DLG2: variants seen among roughly 807,000 people sequenced by gnomAD.
DLG2 encodes discs large MAGUK scaffold protein 2, also known as disks large homolog 2.
Under a neutral mutation model 132.5 loss-of-function variants are expected in DLG2, and 45 were observed. The ratio of observed to expected loss-of-function variants is 0.34; its 90% confidence interval spans 0.27 to 0.44. The LOEUF is 0.44. Ranked by LOEUF, DLG2 falls within the 20% of genes least tolerant of loss-of-function variation. DLG2 has a pLI of 1.00. For synonymous variants in DLG2, 424 were observed against 419.6 expected (o/e 1.01, Z -0.13); for missense variants, 1,045 against 1,196.9 (o/e 0.87, Z 1.87).
chr11:84,000,552 C>T (rs190388337), intron 11 of DLG2, among the ~76,000 whole-genome samples: 1 of 152,202 alleles, frequency 6.6e-6, no homozygotes, highest in Admixed American at 6.5e-5. Flanking sequence ...CACAAAATAT[C>T]TTCTCCATGG....
chr11:85,110,436 C>G (rs1208663371), intron 6 of DLG2, among the ~76,000 whole-genome samples: 2 of 151,706 alleles, frequency 1.3e-5, no homozygotes, highest in African/African-American at 4.8e-5. Context: ...AAACCAAAAC[C>G]AAAAACAGAA....
At chr11:85,213,598 G>T (rs1350097735) in intron 4 of DLG2, among the ~76,000 whole-genome samples, 2 of 152,130 alleles carry the variant, frequency 1.3e-5, no homozygotes, top group Non-Finnish European at 2.9e-5. Flanking sequence ...AGAATAAATT[G>T]TAAATGTTTC....
At chr11:84,641,613 G>T (rs535931492) in intron 6 of DLG2, among the ~76,000 whole-genome samples, 3 of 151,998 alleles carry the variant, frequency 2.0e-5, no homozygotes, top group Non-Finnish European at 4.4e-5. Context: ...TATATGCTTC[G>T]CTTCAGTGAG....
At chr11:83,923,101 G>A (rs913760843) in intron 15 of DLG2, among the ~76,000 whole-genome samples, 5 of 152,066 alleles carry the variant, frequency 3.3e-5, no homozygotes, top group African/African-American at 1.2e-4. Flanking sequence ...ATGATAGAAG[G>A]TCTCAGCCCA....
At chr11:84,461,076 A>G (rs923545734) in intron 7 of DLG2, among the ~76,000 whole-genome samples, 2 of 150,892 alleles carry the variant, frequency 1.3e-5, no homozygotes, top group East Asian at 3.9e-4. Flanking sequence ...CTCTTAATTT[A>G]GTGAAACTGC....
At chr11:85,192,672 A>G (rs970560375) in intron 4 of DLG2, among the ~76,000 whole-genome samples, 2 of 152,194 alleles carry the variant, frequency 1.3e-5, no homozygotes, top group Non-Finnish European at 2.9e-5. Context: ...ATTTCCTTAG[A>G]TTATAATAAA....
intron 6 of DLG2, among the ~76,000 whole-genome samples, chr11:84,993,922 G>A (rs1368665676): frequency 6.6e-6 from 1 of 152,052 alleles, no homozygotes; most frequent in African/African-American, 2.4e-5. Context: ...CCAGCAGCTA[G>A]TGCCCCCATG....
At chr11:84,931,739 G>A (rs1487962638) in intron 6 of DLG2, among the ~76,000 whole-genome samples, 2 of 152,184 alleles carry the variant, frequency 1.3e-5, no homozygotes, top group Non-Finnish European at 2.9e-5. Flanking sequence ...CCTAGCAATA[G>A]TGTATGTGTT....
chr11:85,218,461 A>G (rs1404782663), intron 4 of DLG2, among the ~76,000 whole-genome samples: 1 of 152,234 alleles, frequency 6.6e-6, no homozygotes, highest in African/African-American at 2.4e-5. Context: ...AACATCTGAA[A>G]AAATGCTCAT....
intron 15 of DLG2, among the ~76,000 whole-genome samples, chr11:83,914,593 C>T (rs1460734166): frequency 6.6e-6 from 1 of 152,108 alleles, no homozygotes; most frequent in African/African-American, 2.4e-5. Context: ...CATTATTATC[C>T]TATGAGATGG....
chr11:85,262,534 G>T (rs1427303842), intron 4 of DLG2, among the ~76,000 whole-genome samples: 3 of 152,188 alleles, frequency 2.0e-5, no homozygotes, highest in African/African-American at 7.2e-5. Context: ...TTTAGCAGGA[G>T]ACAAGATAAG....
At chr11:83,770,265 G>GTTTTTTGTTT (rs767653576) in intron 18 of DLG2, among the ~76,000 whole-genome samples, 2 of 128,772 alleles carry the variant, frequency 1.6e-5, no homozygotes, top group African/African-American at 6.6e-5. Context: ...GTTTTTTTTT[G>GTTTTTTGTTT]TTTTTTTGCT....
In DLG2 at chr11:85,202,219, A is replaced by G. The variant is rs369523751; in HGVS notation, c.187-47568T>C. Among the ~76,000 whole-genome samples, 27 of 151,752 alleles carry G rather than the reference A, an allele frequency of 1.8e-4. No individual in the cohort carries two copies. In the East Asian group the frequency reaches 4.8e-3, roughly 27 times the overall value. On this transcript the variant is annotated intron_variant, in intron 4 of 27. Transcript: ENST00000376104. The stretch of plus-strand genomic sequence containing the variant: ...TCAGGTACAGAAAGGTGAAAGGTGA[A>G]CAAGCATATTCAACCCAAATAAGAA...
intron 6 of DLG2, among the ~76,000 whole-genome samples, chr11:85,000,737 T>C (rs1271528133): frequency 6.6e-6 from 1 of 152,160 alleles, no homozygotes; most frequent in Admixed American, 6.6e-5. Flanking sequence ...TTAACCATAT[T>C]TATATCCTAG....
chr11:85,517,692 C>G (rs557233308), intron 3 of DLG2, among the ~76,000 whole-genome samples: 1 of 152,086 alleles, frequency 6.6e-6, no homozygotes, highest in South Asian at 2.1e-4. Context: ...TCGCTCACTG[C>G]AGTCTTGAAT....
chr11:83,990,329 G>T (rs2093635034), intron 11 of DLG2, among the ~76,000 whole-genome samples: 1 of 152,102 alleles, frequency 6.6e-6, no homozygotes, highest in African/African-American at 2.4e-5. Context: ...CAATTTTCTT[G>T]CATATCTCCA....
intron 19 of DLG2, among the ~76,000 whole-genome samples, chr11:83,591,115 G>A (rs1289656873): frequency 6.6e-6 from 1 of 151,638 alleles, no homozygotes; most frequent in Non-Finnish European, 1.5e-5. Context: ...AATAGAAAAA[G>A]AGGGAATCCT....
intron 7 of DLG2, among the ~76,000 whole-genome samples, chr11:84,456,246 A>G (rs1025861186): frequency 6.6e-6 from 1 of 151,330 alleles, no homozygotes; most frequent in African/African-American, 2.4e-5. Context: ...ACAAGTAGCT[A>G]TGCAAGGAAG....
chr11:84,024,411 T>C (rs2095484241), intron 11 of DLG2, among the ~76,000 whole-genome samples: 1 of 152,170 alleles, frequency 6.6e-6, no homozygotes, highest in Non-Finnish European at 1.5e-5. Flanking sequence ...GTCTCACTTC[T>C]GTTTGTTTAC....
Sources: gnomAD v4.1 joint callset for allele counts (sites outside exome capture counted in the v4.1 genomes callset) on GRCh38, gnomAD v4.1.1 for gene constraint, MANE v1.5 for transcripts, NCBI Gene and HGNC (gene_info 2026-07-23, HGNC 2026-07-21) for gene names.